Variants in ADAMTSL1 observed in about 807,000 individuals in gnomAD.
ADAMTSL1 encodes the protein ADAMTS-like protein 1.
A neutral mutation model predicts 201.8 loss-of-function variants in ADAMTSL1; 126 were observed. The ratio of observed to expected loss-of-function variants is 0.62; its 90% CI spans 0.54 to 0.72. ADAMTSL1 has a LOEUF of 0.72. ADAMTSL1 is among the 30% of genes least tolerant of loss of function. The probability of loss-of-function intolerance (pLI) is 0.00; values close to 1 mark genes in which losing one functional copy is unlikely to be tolerated. For synonymous variants in ADAMTSL1, 1,121 were observed against 903.4 expected, an observed-to-expected ratio of 1.24 and a Z score of -4.32; for missense variants, 2,679 against 2,277.8, an observed-to-expected ratio of 1.18 and a Z score of -3.59.
intron 2 of ADAMTSL1, among the ~76,000 whole-genome samples, chr9:18,180,150 A>G (rs1428002866): frequency 6.6e-6 from 1 of 152,168 alleles, no homozygotes; most frequent in Non-Finnish European, 1.5e-5. Flanking sequence ...GCAGAGACAC[A>G]CATAGGCTCA....
intron 1 of ADAMTSL1, among the ~76,000 whole-genome samples, chr9:18,032,638 A>G (rs1821015260): frequency 6.6e-6 from 1 of 152,122 alleles, no homozygotes; most frequent in African/African-American, 2.4e-5. Flanking sequence ...GAAGAGGGAT[A>G]GTTGTGGTTC....
chr9:18,297,402 C>T (rs1304913733), intron 2 of ADAMTSL1, among the ~76,000 whole-genome samples: 2 of 150,712 alleles, frequency 1.3e-5, no homozygotes, highest in African/African-American at 4.9e-5. Flanking sequence ...AATAGCCTAC[C>T]AAAGATTTGT....
At chr9:18,849,854 T>G (rs1826368005) in intron 23 of ADAMTSL1, among the ~76,000 whole-genome samples, 1 of 152,254 alleles carries the variant, frequency 6.6e-6, no homozygotes, top group African/African-American at 2.4e-5. Context: ...CTTTTGTATT[T>G]TTTTAAATAA....
intron 1 of ADAMTSL1, among the ~76,000 whole-genome samples, chr9:18,054,443 A>G (rs1822080726): frequency 6.6e-6 from 1 of 152,242 alleles, no homozygotes; most frequent in South Asian, 2.1e-4. Context: ...AACAAGTCAG[A>G]GTCATTCAAA....
At chr9:18,618,233 G>A (rs562330084) in intron 4 of ADAMTSL1, among the ~76,000 whole-genome samples, 17 of 152,324 alleles carry the variant, frequency 1.1e-4, no homozygotes, top group Admixed American at 1.0e-3. Flanking sequence ...AAAAACACAT[G>A]TACATATACA....
At chr9:18,325,915 G>A (rs1048864860) in intron 2 of ADAMTSL1, among the ~76,000 whole-genome samples, 6 of 152,034 alleles carry the variant, frequency 3.9e-5, no homozygotes, top group African/African-American at 1.4e-4. Flanking sequence ...TAATTTTTGT[G>A]TTTTTAGTAG....
At position 18,905,811 on chromosome 9, in the gene ADAMTSL1, A is replaced by G. The variant is rs746841006; in HGVS notation, c.4881A>G (p.Leu1627=). ...ATGGGCCTTGCATCGGGCCTCACCT[A>G]GCTGTGCAACACAGACAAGTCTTCT... ...QCNGPCIGPH[L]AVQHRQVFCQ... Residue 1627 remains leucine, a synonymous_variant, in exon 27 of 29, where the codon CTA becomes CTG. Transcript: ENST00000380548. 10 of 1,613,624 alleles carry G rather than the reference A, an allele frequency of 6.2e-6. No homozygotes were observed. Among genetic ancestry groups the G allele is most frequent in the Non-Finnish European group, 7.6e-6 (9 of 1,179,770 alleles).
intron 1 of ADAMTSL1, among the ~76,000 whole-genome samples, chr9:18,130,075 G>T (rs1825886009): frequency 6.6e-6 from 1 of 152,166 alleles, no homozygotes; most frequent in South Asian, 2.1e-4. Flanking sequence ...CTGTCTCAGA[G>T]AGAAAAGAAT....
chr9:18,522,008 T>G (rs1005406766), intron 2 of ADAMTSL1, among the ~76,000 whole-genome samples: 6 of 152,174 alleles, frequency 3.9e-5, no homozygotes, highest in African/African-American at 1.4e-4. Flanking sequence ...ATGAAGACAG[T>G]GAGCATCTGA....
chr9:18,393,291 A>T (rs1838127116), intron 2 of ADAMTSL1, among the ~76,000 whole-genome samples: 2 of 152,304 alleles, frequency 1.3e-5, no homozygotes. Context: ...TTGCTGTTGC[A>T]TTCCACTTAA....
chr9:18,345,542 C>T (rs1002367705), intron 2 of ADAMTSL1, among the ~76,000 whole-genome samples: 5 of 152,070 alleles, frequency 3.3e-5, no homozygotes, highest in South Asian at 2.1e-4. Flanking sequence ...ATTTTATAAA[C>T]GGAGATACCA....
At chr9:18,738,780 T>C (rs1316007873) in intron 15 of ADAMTSL1, among the ~76,000 whole-genome samples, 2 of 152,208 alleles carry the variant, frequency 1.3e-5, no homozygotes, top group African/African-American at 4.8e-5. Context: ...ATAGTTACTC[T>C]AACTTGGGTA....
At chr9:18,186,355 G>C (rs543583747) in intron 2 of ADAMTSL1, among the ~76,000 whole-genome samples, 68 of 152,102 alleles carry the variant, frequency 4.5e-4, no homozygotes, top group Non-Finnish European at 8.5e-4. Flanking sequence ...CTTGAGGTTT[G>C]CTTTTTTTGG....
intron 1 of ADAMTSL1, among the ~76,000 whole-genome samples, chr9:18,501,214 G>T (rs996701011): frequency 3.3e-5 from 5 of 152,138 alleles, no homozygotes; most frequent in Admixed American, 3.3e-4. Context: ...ACATTCAAAA[G>T]TAAAAGAGAA....
intron 4 of ADAMTSL1, among the ~76,000 whole-genome samples, chr9:18,589,437 T>G (rs1276881706): frequency 1.3e-5 from 2 of 152,200 alleles, no homozygotes; most frequent in Non-Finnish European, 1.5e-5. Flanking sequence ...ATCCTGTGAT[T>G]TTATTAAATT....
chr9:18,890,906 C>G, intron 25 of ADAMTSL1: 1 of 236,052 alleles, frequency 4.2e-6, no homozygotes, highest in Non-Finnish European at 8.4e-6. Flanking sequence ...TGGTGATGGT[C>G]AGAGTCAATC....
At chr9:18,684,607 T>A in intron 12 of ADAMTSL1, 109 bp from the exon 13 acceptor site, 1 of 1,227,366 alleles carries the variant, frequency 8.1e-7, no homozygotes, top group Non-Finnish European at 1.1e-6. Context: ...AAAAACTTAT[T>A]CGTGTTGGTC....
At chr9:18,328,627 A>G (rs1316277547) in intron 2 of ADAMTSL1, among the ~76,000 whole-genome samples, 3 of 152,332 alleles carry the variant, frequency 2.0e-5, no homozygotes, top group African/African-American at 7.2e-5. Context: ...GCACTAAAAG[A>G]TCATGCCTTA....
intron 3 of ADAMTSL1, among the ~76,000 whole-genome samples, chr9:18,549,690 C>T (rs1487180405): frequency 1.3e-5 from 2 of 151,956 alleles, no homozygotes; most frequent in African/African-American, 4.8e-5. Context: ...GCTTTGGTCA[C>T]TGAAATGTGG....
Sources: gnomAD v4.1 joint callset for allele counts (sites outside exome capture counted in the v4.1 genomes callset) on GRCh38, gnomAD v4.1.1 for gene constraint, MANE v1.5 for transcripts, NCBI Gene and HGNC (gene_info 2026-07-23, HGNC 2026-07-21) for gene names.